MET: variants seen among roughly 807,000 people sequenced by gnomAD.
The protein encoded by MET is MET proto-oncogene, receptor tyrosine kinase.
A neutral mutation model predicts 133.1 loss-of-function variants in MET; 48 were observed. The observed-to-expected ratio is 0.36, with a 90% confidence interval of 0.29 to 0.46. The LOEUF (loss-of-function observed/expected upper bound fraction) is 0.46, where lower values mean the gene tolerates loss of function less well. Among genes scored for constraint, MET ranks in the 20% least tolerant of loss-of-function variants. The probability of loss-of-function intolerance (pLI) is 1.00; values close to 1 mark genes in which losing one functional copy is unlikely to be tolerated. For synonymous variants in MET, 628 were observed against 616.5 expected (o/e 1.02, Z -0.28); for missense variants, 1,442 against 1,695.9 (o/e 0.85, Z 2.63).
chr7:116,700,056 G>C lies in MET; in HGVS notation c.972G>C (p.Lys324Asn), dbSNP rs1305174716. ...FNILQAAYVS[K>N]PGAQLARQIG... is the part of the protein sequence containing the mutation. ...TACTTCAGGCTGCGTATGTCAGCAA[G>C]CCTGGGGCCCAGCTTGCTAGACAAA... Residue 324 changes from lysine to asparagine, a missense_variant, in exon 2 of 21, where the codon AAG becomes AAC. Physicochemically the swap from Lys to Asn is moderately conservative, Grantham distance 94. Around this residue, in one of 6 missense-constraint regions of MET, gnomAD observed 762 missense variants for 792.4 expected, o/e 0.96. Transcript: ENST00000397752. The C allele has an allele frequency of 6.2e-7, 1 of 1,613,620 alleles. No homozygotes were observed. Among genetic ancestry groups the C allele is most frequent in the Non-Finnish European group, 8.5e-7 (1 of 1,179,916 alleles).
intron 11 of MET, among the ~76,000 whole-genome samples, chr7:116,765,917 C>T (rs1215798406): frequency 6.6e-6 from 1 of 152,164 alleles, no homozygotes; most frequent in African/African-American, 2.4e-5. Flanking sequence ...GGCTCACACT[C>T]AGGCTTCTTG....
At chr7:116,731,932 G>T in intron 3 of MET, 73 bp downstream of exon 3, 1 of 1,479,868 alleles carries the variant, frequency 6.8e-7, no homozygotes, top group Non-Finnish European at 9.4e-7. Context: ...CGTTTTTGCA[G>T]TAAGGTATTT....
In MET at chr7:116,796,600, G is replaced by A. The variant is rs772411950; in HGVS notation, c.*476G>A. 1 of 291,424 alleles carries A rather than the reference G, an allele frequency of 3.4e-6. No homozygotes were observed. The highest frequency in any genetic ancestry group is 6.5e-6 in the Non-Finnish European group (1 of 153,400). The allele number at this position is 291,424 out of a possible 1,614,324, so 18.1% of individuals were successfully genotyped here. On this transcript the variant is annotated 3_prime_UTR_variant, in exon 21 of 21. Coordinates refer to ENST00000397752, the MANE Select transcript of MET (RefSeq NM_000245.4). ...GTCAATAACATTTTTCATTACTGAT[G>A]GTGTCATTCACCCATTAGGTAAACA...
intron 7 of MET, 48 bp from the exon 8 acceptor site, chr7:116,757,590 A>T (rs908027202): frequency 6.2e-7 from 1 of 1,613,306 alleles, no homozygotes; most frequent in Non-Finnish European, 8.5e-7. Context: ...ATCTATTTAA[A>T]TTATAAGATG....
intron 17 of MET, among the ~76,000 whole-genome samples, chr7:116,781,670 C>A (rs1013850503): frequency 6.6e-6 from 1 of 152,186 alleles, no homozygotes; most frequent in African/African-American, 2.4e-5. Context: ...TGGGCTCAAG[C>A]AATCCTCCTT....
rs1584905721 is a variant in MET at position 116,724,346 on chromosome 7, C to T, written c.1201-7322C>T. The T allele has an allele frequency of 1.5e-5, 4 of 267,838 alleles. No homozygotes were observed. In the Admixed American group the frequency reaches 1.8e-4, roughly 12 times the overall value. 16.6% of individuals were successfully genotyped at this position (267,838 alleles called of 1,614,324 possible). ...TTCGGCTCGCGCACGGTGCACGCAC[C>T]CACTGACCTGCGCCCACTGTCTGGC... is the stretch of plus-strand genomic sequence containing the variant. On this transcript the variant is annotated intron_variant, in intron 2 of 20. Coordinates refer to ENST00000397752, the MANE Select transcript of MET (RefSeq NM_000245.4).
chr7:116,689,535 T>C (rs1355165187), intron 1 of MET, among the ~76,000 whole-genome samples: 2 of 149,918 alleles, frequency 1.3e-5, no homozygotes, highest in Non-Finnish European at 3.0e-5. Context: ...ACTTGCTAAA[T>C]CTCAGTTGGG....
chr7:116,703,279 A>T (rs1354283359), intron 2 of MET, among the ~76,000 whole-genome samples: 1 of 152,120 alleles, frequency 6.6e-6, no homozygotes, highest in Non-Finnish European at 1.5e-5. Flanking sequence ...TTTGAAAGTG[A>T]TTCTAAAGAA....
intron 5 of MET, among the ~76,000 whole-genome samples, chr7:116,746,100 C>A (rs1030266080): frequency 6.6e-6 from 1 of 152,170 alleles, no homozygotes; most frequent in Non-Finnish European, 1.5e-5. Flanking sequence ...TCTAACAACC[C>A]CATCAACAAG....
intron 2 of MET, among the ~76,000 whole-genome samples, chr7:116,709,628 C>A (rs1310321706): frequency 6.6e-6 from 1 of 152,042 alleles, no homozygotes; most frequent in African/African-American, 2.4e-5. Flanking sequence ...TATTCCTGTG[C>A]CTACAAGTCA....
At position 116,797,065 on chromosome 7, in the gene MET, A is replaced by C. The variant is rs976338867; in HGVS notation, c.*941A>C. 7.4e-5 allele frequency: 14 copies of C among 190,228 alleles called. No homozygotes were observed. Among genetic ancestry groups the C allele is most frequent in the African/African-American group, 3.0e-4 (13 of 42,942 alleles). The allele number at this position is 190,228 out of a possible 1,614,324, so 11.8% of individuals were successfully genotyped here. ...GATGACATTAAGAAAATTTGTATGA[A>C]ATAATTTAGTCATCATGAAATATTT... On this transcript the variant is annotated 3_prime_UTR_variant, in exon 21 of 21. Coordinates refer to ENST00000397752, the MANE Select transcript of MET (RefSeq NM_000245.4).
intron 1 of MET, among the ~76,000 whole-genome samples, chr7:116,689,369 GT>G: frequency 6.6e-6 from 1 of 152,154 alleles, no homozygotes; most frequent in East Asian, 1.9e-4. Flanking sequence ...TTTAATGTGA[GT>G]TTTGTGGGTA....
chr7:116,719,703 C>A (rs1233105584), intron 2 of MET, among the ~76,000 whole-genome samples: 1 of 152,170 alleles, frequency 6.6e-6, no homozygotes, highest in East Asian at 1.9e-4. Context: ...CAGCTTTCTC[C>A]ATATGGCTAG....
chr7:116,740,515 T>C (rs534096195), intron 4 of MET, among the ~76,000 whole-genome samples: 2 of 152,304 alleles, frequency 1.3e-5, no homozygotes, highest in African/African-American at 4.8e-5. Context: ...TTCAAGTGTG[T>C]TTTCCCACCA....
At chr7:116,717,446 T>C (rs1792287812) in intron 2 of MET, among the ~76,000 whole-genome samples, 1 of 152,198 alleles carries the variant, frequency 6.6e-6, no homozygotes, top group Non-Finnish European at 1.5e-5. Flanking sequence ...TAAGAATTCC[T>C]GAAATTAAAG....
At chr7:116,678,851 G>A (rs1796250725) in intron 1 of MET, among the ~76,000 whole-genome samples, 1 of 152,104 alleles carries the variant, frequency 6.6e-6, no homozygotes, top group Admixed American at 6.6e-5. Flanking sequence ...CAAACTGTAT[G>A]TCCCTCTAAG....
chr7:116,676,310 G>A (rs926545347), intron 1 of MET, among the ~76,000 whole-genome samples: 1 of 152,182 alleles, frequency 6.6e-6, no homozygotes, highest in Non-Finnish European at 1.5e-5. Context: ...ATATAATTAA[G>A]GATAGCAATT....
rs1254638714 is a variant in MET at position 116,699,204 on chromosome 7, G to A, written c.120G>A (p.Lys40=). ...LAKSEMNVNM[K]YQLPNFTAET... is the part of the protein sequence containing the mutation. ...AGTCCGAGATGAATGTGAATATGAA[G>A]TATCAGCTTCCCAACTTCACCGCGG... The change falls in exon 2 of 21, where the codon AAG becomes AAA. Residue 40 remains lysine (K), a synonymous_variant. Coordinates refer to ENST00000397752, the MANE Select transcript of MET (RefSeq NM_000245.4). 2 of 1,613,956 alleles carry A rather than the reference G, an allele frequency of 1.2e-6. No homozygotes were observed. The highest frequency in any genetic ancestry group is 1.7e-5 in the Admixed American group (1 of 59,984).
chr7:116,713,672 A>G (rs528342908), intron 2 of MET, among the ~76,000 whole-genome samples: 9 of 152,298 alleles, frequency 5.9e-5, no homozygotes, highest in African/African-American at 1.9e-4. Context: ...AGATAAGTAA[A>G]GAGTCTCACT....
Sources: gnomAD v4.1 joint callset for allele counts (sites outside exome capture counted in the v4.1 genomes callset) on GRCh38, gnomAD v4.1.1 for gene constraint, gnomAD v4.1.1 regional missense constraint, MANE v1.5 for transcripts, NCBI Gene and HGNC (gene_info 2026-07-23, HGNC 2026-07-21) for gene names.